DACT3: variants seen among roughly 807,000 people sequenced by gnomAD.
The protein encoded by DACT3 is dapper homolog 3.
DACT3 carries 5 observed loss-of-function variants against 19.6 expected under a neutral mutation model. That is an observed-to-expected ratio of 0.26 (90% CI 0.13 to 0.54). DACT3 has a LOEUF of 0.54. DACT3 is among the 20% of genes least tolerant of loss of function. DACT3 has a pLI of 0.95. For synonymous variants in DACT3, 454 were observed against 428.1 expected (o/e 1.06, Z -0.75); for missense variants, 908 against 927.4 (o/e 0.98, Z 0.27).
rs1214635172 is a variant in DACT3 at position 46,653,042 on chromosome 19, G to A, written c.283C>T (p.Gln95Ter). ...TCCAGGCTCAGGTCTCCCAGCTGCTGTCCCAGGTCCCAGACGAGACCAGGC... is the reference window on the plus strand; with the variant it reads ...TCCAGGCTCAGGTCTCCCAGCTGCTATCCCAGGTCCCAGACGAGACCAGGC... ...ALPGLVWDLG[Q>*]QLGDLSLESG... Residue 95 changes from glutamine (Q) to a stop codon, truncating the protein, a stop_gained, in exon 2 of 4, where the codon CAG becomes TAG. Transcript: ENST00000391916. LOFTEE classifies it high-confidence loss of function. 1 of 1,551,466 alleles carries A rather than the reference G, an allele frequency of 6.4e-7. No individual in the cohort carries two copies. Among genetic ancestry groups the A allele is most frequent in the Non-Finnish European group, 8.7e-7 (1 of 1,146,970 alleles).
chr19:46,647,865 A>C lies in DACT3; in HGVS notation c.*617T>G, dbSNP rs2052933725. On this transcript the variant is annotated 3_prime_UTR_variant, in exon 4 of 4. Coordinates refer to ENST00000391916, the MANE Select transcript of DACT3 (RefSeq NM_145056.3). ...TCCTCCATAATTGTCCAGGGATCGA[A>C]GTGAAAGAGTCCTTCTTTCCAGGTG... is the stretch of plus-strand genomic sequence containing the variant. The C allele has an allele frequency of 6.5e-6, 1 of 152,876 alleles. No individual in the cohort carries two copies. The highest frequency in any genetic ancestry group is 1.9e-4 in the East Asian group (1 of 5,178). 9.5% of individuals were successfully genotyped at this position (152,876 alleles called of 1,614,324 possible). A position where few individuals can be genotyped will look rare whatever the true frequency, so the allele number is the denominator to read the frequency against.
At chr19:46,658,945 C>A (rs1497764) in intron 1 of DACT3, among the ~76,000 whole-genome samples, 109,424 of 152,038 alleles carry the variant, frequency 0.72, 40,227 homozygotes, top group African/African-American at 0.89. Flanking sequence ...TCTTCTCTGC[C>A]ACACCCCTGA....
intron 1 of DACT3, among the ~76,000 whole-genome samples, chr19:46,658,752 A>G (rs551228046): frequency 6.6e-6 from 1 of 152,172 alleles, no homozygotes; most frequent in East Asian, 1.9e-4. Context: ...CCCTTTGCCC[A>G]AACTTCCCTT....
At chr19:46,652,592 T>A (rs1391185773) in intron 3 of DACT3, 68 bp downstream of exon 3, 2 of 1,489,576 alleles carry the variant, frequency 1.3e-6, no homozygotes, top group Non-Finnish European at 1.8e-6. Context: ...GATTCGGAAG[T>A]CTGTGCCCAC....
In DACT3 at chr19:46,649,709, C is replaced by T; in HGVS notation, c.663G>A (p.Leu221=). The change falls in exon 4 of 4, where the codon CTG becomes CTA. Residue 221 remains leucine, a synonymous_variant. Transcript: ENST00000391916. The part of the protein sequence containing the change: ...RAGPFLTPSP[L]HAVAMRSPRP... ...GCGGGCTGCGCATCGCCACGGCGTG[C>T]AGGGGGCTGGGCGTCAGAAAGGGCC... 6.6e-6 allele frequency: 8 copies of T among 1,214,610 alleles called. No individual in the cohort carries two copies. Among genetic ancestry groups the T allele is most frequent in the Non-Finnish European group, 8.2e-6 (8 of 977,416 alleles). The allele number at this position is 1,214,610 out of a possible 1,614,324, so 75.2% of individuals were successfully genotyped here.
At chr19:46,653,960 C>T in intron 1 of DACT3, 1 of 983,758 alleles carries the variant, frequency 1.0e-6, no homozygotes, top group Non-Finnish European at 1.2e-6. Flanking sequence ...CAGATTGCCT[C>T]TTTCCCCCAT....
intron 3 of DACT3, chr19:46,650,777 A>C (rs1447659635): frequency 6.6e-6 from 1 of 152,080 alleles, no homozygotes; most frequent in Non-Finnish European, 1.5e-5. Context: ...CGCCAGTCAC[A>C]TTCTGGCCTC....
Position 46,649,433 on chromosome 19 carries a change from G to A in DACT3, c.939C>T (p.His313=). 1 of 1,258,338 alleles carries A rather than the reference G, an allele frequency of 7.9e-7. No individual in the cohort carries two copies. The highest frequency in any genetic ancestry group is 1.0e-6 in the Non-Finnish European group (1 of 992,470). The allele number at this position is 1,258,338 out of a possible 1,614,324, so 77.9% of individuals were successfully genotyped here. ...GGCTCAAGGCGGCAGGGCTGGTGGG[G>A]TGGCCCCCGACGCGCTCCAACGAGG... ...REPSLERVGG[H]PTSPAALSRA... The change falls in exon 4 of 4, where the codon CAC becomes CAT. Residue 313 remains histidine, a synonymous_variant. Transcript: ENST00000391916.
Position 46,660,430 on chromosome 19 carries a change from A to T in DACT3, c.249+386T>A. ...TTGGGTGAGTCGCTTGCTCTCTCTG[A>T]GCCTCAATTTGTTTCTCTGTTAAAT... On this transcript the variant is annotated intron_variant, in intron 1 of 3. Coordinates refer to ENST00000391916, the MANE Select transcript of DACT3 (RefSeq NM_145056.3). This position sits in a 1 kb window ranked among gnomAD's most constrained non-coding sequence, Gnocchi z 4.9. The T allele has an allele frequency of 1.1e-5, 2 of 179,628 alleles. No individual in the cohort carries two copies. The highest frequency in any genetic ancestry group is 2.3e-5 in the Non-Finnish European group (2 of 85,414). 11.1% of individuals were successfully genotyped at this position (179,628 alleles called of 1,614,324 possible). A position where few individuals can be genotyped will look rare whatever the true frequency, so the allele number is the denominator to read the frequency against.
chr19:46,655,925 C>CTCTCTCTCTCTCTCTCTCTCTATATA (rs980735397), intron 1 of DACT3, among the ~76,000 whole-genome samples: 18 of 137,930 alleles, frequency 1.3e-4, no homozygotes, highest in African/African-American at 4.2e-4. Context: ...CTCTCTCTCT[C>CTCTCTCTCTCTCTCTCTCTCTATATA]TATATATATA....
In DACT3 at chr19:46,660,622, C is replaced by T. The variant is rs1389625787; in HGVS notation, c.249+194G>A. The stretch of plus-strand genomic sequence containing the variant: ...GCCCCAGTGGGGGCGATGCAGTTCC[C>T]CCTCCCCCGATTTGGGGGCGGGGAG... On this transcript the variant is annotated intron_variant, in intron 1 of 3. Coordinates refer to ENST00000391916, the MANE Select transcript of DACT3 (RefSeq NM_145056.3). The surrounding 1 kb of genome is among the most constrained non-coding windows in gnomAD (Gnocchi z 4.9). 6.6e-6 allele frequency among the ~76,000 whole-genome samples: 1 copy of T among 152,154 alleles called. No homozygotes were observed. Among genetic ancestry groups the T allele is most frequent in the Non-Finnish European group, 1.5e-5 (1 of 68,000 alleles).
chr19:46,649,931 C>A, intron 3 of DACT3, 59 bp from the exon 4 acceptor site: 1 of 1,305,978 alleles, frequency 7.7e-7, no homozygotes, highest in East Asian at 3.2e-5. Context: ...TCTCAAAGTC[C>A]TTTCCCATTT....
chr19:46,654,225 G>A (rs1878387394), intron 1 of DACT3: 4 of 984,802 alleles, frequency 4.1e-6, no homozygotes, highest in Admixed American at 6.2e-5. Flanking sequence ...AGTGGCTCAC[G>A]CCTGTAATCC....
chr19:46,656,414 C>T, intron 1 of DACT3, among the ~76,000 whole-genome samples: 1 of 152,042 alleles, frequency 6.6e-6, no homozygotes, highest in East Asian at 1.9e-4. Context: ...GTGGCACGAT[C>T]ACGGCTCACT....
chr19:46,657,435 G>A (rs930995696), intron 1 of DACT3, among the ~76,000 whole-genome samples: 38 of 135,694 alleles, frequency 2.8e-4, no homozygotes, highest in Non-Finnish European at 4.4e-4. Context: ...CTCACTGCAA[G>A]CTCCGCCTCC....
rs574693570 is a variant in DACT3 at position 46,661,035 on chromosome 19, G to A, written c.30C>T (p.Ser10=). 9 of 1,517,966 alleles carry A rather than the reference G, an allele frequency of 5.9e-6. No individual in the cohort carries two copies. The Admixed American group carries it at 6.2e-5, about 10-fold the overall frequency. The allele number at this position is 1,517,966 out of a possible 1,614,324, so 94.0% of individuals were successfully genotyped here. MIRAFSFPV[S]PERGRLRGWL... ...AGCCCCGCAGCCGGCCCCGCTCAGG[G>A]CTCACCGGGAACGAGAAGGCCCGGA... is the stretch of plus-strand genomic sequence containing the variant. Residue 10 remains serine (S), a synonymous_variant, in exon 1 of 4, where the codon AGC becomes AGT. Transcript: ENST00000391916.
At chr19:46,651,694 T>TGTGTGTGGG (rs1468405774) in intron 3 of DACT3, 1 of 110,464 alleles carries the variant, frequency 9.1e-6, no homozygotes, top group East Asian at 3.2e-4. Context: ...GTGTGTGTGG[T>TGTGTGTGGG]TGGTGTTTTA....
At chr19:46,652,631 C>A in intron 3 of DACT3, 29 bp downstream of exon 3, 2 of 1,547,364 alleles carry the variant, frequency 1.3e-6, no homozygotes. Context: ...CTTTCCCTGG[C>A]CCCAGGGCCC....
chr19:46,648,934 C>G lies in DACT3; in HGVS notation c.1438G>C (p.Ala480Pro), dbSNP rs2052948197. Residue 480 changes from alanine to proline, a missense_variant, in exon 4 of 4, where the codon GCG becomes CCG. This residue lies in a region of DACT3 where 656 missense variants were observed against 601.8 expected (regional missense o/e 1.09). Transcript: ENST00000391916. This position sits in a 1 kb window ranked among gnomAD's most constrained non-coding sequence, Gnocchi z 5.1. ...AGSCRRWRST[A>P]EIDAADGRRV... ...CGCCCATCGGCAGCGTCGATCTCCG[C>G]AGTGGAGCGCCAGCGACGGCAGGAC... 8 of 1,345,096 alleles carry G rather than the reference C, an allele frequency of 5.9e-6. No individual in the cohort carries two copies. The highest frequency in any genetic ancestry group is 7.6e-6 in the Non-Finnish European group (8 of 1,053,664). The allele number at this position is 1,345,096 out of a possible 1,614,324, so 83.3% of individuals were successfully genotyped here. A position where few individuals can be genotyped will look rare whatever the true frequency, so the allele number is the denominator to read the frequency against.
Sources: allele counts gnomAD v4.1 joint callset (sites outside exome capture counted in the v4.1 genomes callset), GRCh38; gene constraint gnomAD v4.1.1; regional missense constraint gnomAD v4.1.1; non-coding constraint Gnocchi (gnomAD v3.1); transcripts MANE v1.5; gene names NCBI Gene and HGNC (gene_info 2026-07-23, HGNC 2026-07-21).